Variants in SYCP2L observed in about 807,000 individuals in gnomAD.
SYCP2L encodes synaptonemal complex protein 2-like.
In SYCP2L, 98 loss-of-function variants were observed where a neutral mutation model predicts 125.8. That is an observed-to-expected ratio of 0.78 (90% confidence interval 0.66 to 0.92). SYCP2L has a LOEUF of 0.92. Ranked by LOEUF, SYCP2L falls within the 40% of genes least tolerant of loss-of-function variation. The probability of loss-of-function intolerance (pLI) is 0.00; values close to 1 mark genes in which losing one functional copy is unlikely to be tolerated. For synonymous variants in SYCP2L, 317 were observed against 325.4 expected (o/e 0.97, Z 0.28); for missense variants, 842 against 936.4 (o/e 0.90, Z 1.32).
intron 14 of SYCP2L, among the ~76,000 whole-genome samples, chr6:10,921,908 G>T (rs1327989757): frequency 6.6e-6 from 1 of 151,932 alleles, no homozygotes; most frequent in Admixed American, 6.6e-5. Context: ...GGGTTTCACC[G>T]TGTTAGCCAG....
intron 16 of SYCP2L, 86 bp from the exon 17 acceptor site, chr6:10,927,154 C>T: frequency 6.4e-7 from 1 of 1,554,108 alleles, no homozygotes; most frequent in Non-Finnish European, 8.7e-7. Flanking sequence ...TGGAGAGGTA[C>T]CAGAGGGGAC....
intron 6 of SYCP2L, among the ~76,000 whole-genome samples, chr6:10,902,179 G>A (rs1188569685): frequency 1.3e-5 from 2 of 152,210 alleles, no homozygotes; most frequent in Non-Finnish European, 2.9e-5. Flanking sequence ...AGTGGGGAAG[G>A]ATGGTGGGGA....
At position 10,903,840 on chromosome 6, in the gene SYCP2L, C is replaced by T. The variant is rs548505835; in HGVS notation, c.641+877C>T. Among the ~76,000 whole-genome samples the T allele has an allele frequency of 4.1e-4, 62 of 151,316 alleles. 1 individual carries two copies. Among genetic ancestry groups the T allele is most frequent in the African/African-American group, 1.3e-3 (55 of 41,284 alleles). On this transcript the variant is annotated intron_variant, in intron 8 of 29. Transcript: ENST00000283141. ...TAATTATAATTTTTTTTTCTTTTTG[C>T]TTCAACGTTGTGAGGCAAAATGTTT...
intron 1 of SYCP2L, 96 bp from the exon 2 acceptor site, chr6:10,891,417 A>AT (rs2113280578): frequency 2.8e-6 from 2 of 717,994 alleles, no homozygotes; most frequent in Non-Finnish European, 4.3e-6. Flanking sequence ...ACAAACCTTT[A>AT]ATTTTTTTTT....
intron 14 of SYCP2L, among the ~76,000 whole-genome samples, chr6:10,923,486 A>G (rs965740482): frequency 1.4e-5 from 2 of 143,472 alleles, no homozygotes; most frequent in Non-Finnish European, 3.0e-5. Flanking sequence ...AGCGGGTTCA[A>G]GCAATTCTCC....
Position 10,942,676 on chromosome 6 carries a change from G to T in SYCP2L, c.1885-1G>T. The T allele has an allele frequency of 6.2e-7, 1 of 1,613,106 alleles. No homozygotes were observed. Among genetic ancestry groups the T allele is most frequent in the East Asian group, 2.2e-5 (1 of 44,798 alleles). ...AATTTGTGGTCTGTTTTGTTTTTAAGATTGTGAACCAAGAATCACTAACAG... is the reference window on the plus strand; with the variant it reads ...AATTTGTGGTCTGTTTTGTTTTTAATATTGTGAACCAAGAATCACTAACAG... On this transcript the variant is annotated splice_acceptor_variant, in intron 22 of 29. Coordinates refer to ENST00000283141, the MANE Select transcript of SYCP2L (RefSeq NM_001040274.3). LOFTEE classifies it high-confidence loss of function.
intron 23 of SYCP2L, among the ~76,000 whole-genome samples, chr6:10,947,297 TA>T (rs1045885439): frequency 7.2e-5 from 11 of 152,072 alleles, no homozygotes; most frequent in African/African-American, 2.7e-4. Context: ...CATATAAATT[TA>T]GACCAAGTTG....
chr6:10,953,911 T>A (rs1225743), intron 23 of SYCP2L, among the ~76,000 whole-genome samples: 140,954 of 152,134 alleles, frequency 0.93, 65,785 homozygotes, highest in Non-Finnish European at 0.99. Flanking sequence ...TCTATGGGGA[T>A]GTGCTCTGGT....
chr6:10,935,634 C>G (rs1195515806), intron 21 of SYCP2L, among the ~76,000 whole-genome samples: 5 of 152,040 alleles, frequency 3.3e-5, no homozygotes, highest in Non-Finnish European at 7.4e-5. Flanking sequence ...AAGCGATTCT[C>G]CTGCCTCAGC....
chr6:10,893,134 T>TAGCTGGG (rs59418265), intron 2 of SYCP2L, among the ~76,000 whole-genome samples: 56,468 of 151,442 alleles, frequency 0.37, 10,738 homozygotes, highest in Non-Finnish European at 0.43. Context: ...GCCTTCCAAG[T>TAGCTGGG]ATTACAGGCA....
chr6:10,926,331 C>T lies in SYCP2L; in HGVS notation c.1219-8C>T. On this transcript the variant is annotated splice_region_variant and splice_polypyrimidine_tract_variant and intron_variant, in intron 15 of 29. Transcript: ENST00000283141. ...CATTTCAAAGTTGACCTTTGTCTTG[C>T]ATTTCAGATGTTGCCTGACCAGACG... The T allele has an allele frequency of 1.2e-6, 2 of 1,603,382 alleles. No individual in the cohort carries two copies. The highest frequency in any genetic ancestry group is 1.1e-5 in the South Asian group (1 of 89,894).
At chr6:10,913,008 C>A in intron 14 of SYCP2L, 81 bp downstream of exon 14, 1 of 1,352,996 alleles carries the variant, frequency 7.4e-7, no homozygotes, top group Non-Finnish European at 1.0e-6. Flanking sequence ...TTATTTAATT[C>A]TAGGGCATAT....
At position 10,958,729 on chromosome 6, in the gene SYCP2L, C is replaced by T. The variant is rs1487441924; in HGVS notation, c.2164-55C>T. ...ATCTTTTTAACACAAAGCATGCACT[C>T]AACTTATGTAATTATATTAAATGTG... On this transcript the variant is annotated intron_variant, in intron 25 of 29. Transcript: ENST00000283141. The T allele has an allele frequency of 1.5e-5, 22 of 1,505,952 alleles. 1 individual carries two copies. In the Admixed American group the frequency reaches 3.7e-4, roughly 25 times the overall value. 93.3% of individuals were successfully genotyped at this position (1,505,952 alleles called of 1,614,324 possible).
intron 2 of SYCP2L, among the ~76,000 whole-genome samples, chr6:10,893,582 T>G (rs181917148): frequency 1.8e-4 from 27 of 152,250 alleles, no homozygotes; most frequent in African/African-American, 6.5e-4. Flanking sequence ...TGCACGAGAA[T>G]CACGTGAAAG....
intron 29 of SYCP2L, among the ~76,000 whole-genome samples, chr6:10,971,886 G>A (rs2113438337): frequency 1.3e-5 from 2 of 152,216 alleles, no homozygotes; most frequent in African/African-American, 2.4e-5. Context: ...ATGTTGGCCA[G>A]GCTGGTCTTG....
At position 10,898,089 on chromosome 6, in the gene SYCP2L, A is replaced by G. The variant is rs1561680267; in HGVS notation, c.415A>G (p.Ile139Val). The G allele has an allele frequency of 6.2e-7, 1 of 1,614,088 alleles. No homozygotes were observed. Among genetic ancestry groups the G allele is most frequent in the Non-Finnish European group, 8.5e-7 (1 of 1,179,926 alleles). ...CTCAGACACGTCGCTGATTTGTGTT[A>G]TAGAAGATTTCTTTGACACTGCATT... Reference protein sequence around the residue: ...LASDTSLICVIEDFFDTALII... With the variant: ...LASDTSLICVVEDFFDTALII... The change falls in exon 5 of 30, where the codon ATA (isoleucine) becomes GTA (valine). Residue 139 changes from isoleucine (I) to valine (V), a missense_variant. Physicochemically the swap from Ile to Val is conservative, Grantham distance 29. Coordinates refer to ENST00000283141, the MANE Select transcript of SYCP2L (RefSeq NM_001040274.3).
intron 17 of SYCP2L, among the ~76,000 whole-genome samples, chr6:10,927,794 T>C (rs1780923812): frequency 6.6e-6 from 1 of 152,190 alleles, no homozygotes; most frequent in South Asian, 2.1e-4. Context: ...CTGGGAGCGC[T>C]ATGGGAGACT....
At chr6:10,936,325 C>T (rs976107472) in intron 21 of SYCP2L, among the ~76,000 whole-genome samples, 1 of 151,870 alleles carries the variant, frequency 6.6e-6, no homozygotes, top group South Asian at 2.1e-4. Context: ...AGTGAAACCT[C>T]GTCTCTACTA....
At chr6:10,942,397 G>A in intron 21 of SYCP2L, 62 bp from the exon 22 acceptor site, 2 of 1,068,994 alleles carry the variant, frequency 1.9e-6, no homozygotes, top group Non-Finnish European at 2.7e-6. Flanking sequence ...TAGAATGATA[G>A]TGAATTCTTA....
Sources: allele counts gnomAD v4.1 joint callset (sites outside exome capture counted in the v4.1 genomes callset), GRCh38; gene constraint gnomAD v4.1.1; transcripts MANE v1.5; gene names NCBI Gene and HGNC (gene_info 2026-07-23, HGNC 2026-07-21).